Variants in PAN3 observed in about 807,000 individuals in gnomAD.
PAN3 encodes the protein PAN2-PAN3 deadenylation complex subunit PAN3.
In PAN3, 19 loss-of-function variants were observed where a neutral mutation model predicts 96.2. That is an observed-to-expected ratio of 0.20 (90% CI 0.14 to 0.29). The LOEUF is 0.29. PAN3 is among the 10% of genes least tolerant of loss of function. The probability of loss-of-function intolerance (pLI) is 1.00; values close to 1 mark genes in which losing one functional copy is unlikely to be tolerated. For synonymous variants in PAN3, 433 were observed against 406.6 expected, an observed-to-expected ratio of 1.06 and a Z score of -0.78; for missense variants, 882 against 1,108.1, an observed-to-expected ratio of 0.80 and a Z score of 2.90.
At chr13:28,261,307 CA>C in intron 8 of PAN3, 93 bp from the exon 9 acceptor site, 9 of 829,220 alleles carry the variant, frequency 1.1e-5, no homozygotes, top group Non-Finnish European at 1.6e-5. Flanking sequence ...GTGCATATGC[CA>C]AAAATATTAA....
Position 28,244,079 on chromosome 13 carries a change from T to C in PAN3, c.1001-12213T>C, listed in dbSNP as rs45479591. Among the ~76,000 whole-genome samples the C allele has an allele frequency of 2.7e-4, 41 of 152,324 alleles. 1 individual carries two copies. Among genetic ancestry groups the C allele is most frequent in the Admixed American group, 1.6e-3 (24 of 15,294 alleles). ...CATCTTTTTATGTTCGAGGCATTTTTCTTTTCTGCAAACTGGCTAGTTGTA... is the reference window on the plus strand; with the variant it reads ...CATCTTTTTATGTTCGAGGCATTTTCCTTTTCTGCAAACTGGCTAGTTGTA... On this transcript the variant is annotated intron_variant, in intron 6 of 18. Coordinates refer to ENST00000380958, the MANE Select transcript of PAN3 (RefSeq NM_175854.8).
chr13:28,274,402 C>A (rs1886888524), intron 14 of PAN3, among the ~76,000 whole-genome samples: 1 of 151,328 alleles, frequency 6.6e-6, no homozygotes, highest in Non-Finnish European at 1.5e-5. Context: ...TACATCCAAG[C>A]AGATAATATT....
At chr13:28,196,606 C>T (rs1366300261) in intron 4 of PAN3, among the ~76,000 whole-genome samples, 2 of 150,270 alleles carry the variant, frequency 1.3e-5, no homozygotes, top group Non-Finnish European at 3.0e-5. Context: ...AGGGTGAATG[C>T]CTATTTAAGA....
Position 28,187,223 on chromosome 13 carries a change from A to C in PAN3, c.690+9288A>C, listed in dbSNP as rs1321683322. On this transcript the variant is annotated intron_variant, in intron 4 of 18. Coordinates refer to ENST00000380958, the MANE Select transcript of PAN3 (RefSeq NM_175854.8). Reference sequence around the variant, plus strand: ...ACGCCTGTAGTCCCAGCTACTTGGGAGACTGAGGTGGGAGGATCACCTAAG... The same window carrying C: ...ACGCCTGTAGTCCCAGCTACTTGGGCGACTGAGGTGGGAGGATCACCTAAG... Among the ~76,000 whole-genome samples, 5 of 152,096 alleles carry C rather than the reference A, an allele frequency of 3.3e-5. No homozygotes were observed. In the East Asian group the frequency reaches 9.6e-4, roughly 29 times the overall value.
At chr13:28,243,082 A>G (rs542302472) in intron 6 of PAN3, among the ~76,000 whole-genome samples, 16 of 152,328 alleles carry the variant, frequency 1.1e-4, no homozygotes, top group Middle Eastern at 3.4e-3. Flanking sequence ...ATGGCAAACA[A>G]TGATAGCTTT....
intron 6 of PAN3, among the ~76,000 whole-genome samples, chr13:28,255,482 A>G (rs1885063367): frequency 6.6e-6 from 1 of 152,086 alleles, no homozygotes; most frequent in African/African-American, 2.4e-5. Flanking sequence ...AAGGGTAAAG[A>G]CAATTGTCCT....
intron 5 of PAN3, among the ~76,000 whole-genome samples, chr13:28,208,569 G>T (rs1026562689): frequency 3.9e-5 from 6 of 151,942 alleles, no homozygotes; most frequent in Admixed American, 2.6e-4. Flanking sequence ...TTTAGTGGTT[G>T]AGCATCTTAA....
At chr13:28,286,767 A>G (rs1256530743) in intron 17 of PAN3, among the ~76,000 whole-genome samples, 1 of 152,190 alleles carries the variant, frequency 6.6e-6, no homozygotes, top group African/African-American at 2.4e-5. Context: ...GCAGAGATAA[A>G]TGGGTGTTTA....
At chr13:28,156,558 C>G (rs111759326) in intron 1 of PAN3, among the ~76,000 whole-genome samples, 1,837 of 152,254 alleles carry the variant, frequency 0.012, 42 homozygotes, top group African/African-American at 0.041. Context: ...TTATCTCATT[C>G]AATGACCAGC....
At chr13:28,238,810 A>G (rs552045408) in intron 6 of PAN3, among the ~76,000 whole-genome samples, 77 of 152,014 alleles carry the variant, frequency 5.1e-4, no homozygotes, top group African/African-American at 1.9e-3. Context: ...CTTTTTTTTC[A>G]TAATAGTGTA....
intron 1 of PAN3, among the ~76,000 whole-genome samples, chr13:28,146,164 G>A (rs1394628387): frequency 6.6e-6 from 1 of 151,528 alleles, no homozygotes; most frequent in East Asian, 1.9e-4. Flanking sequence ...TTATTGTCCA[G>A]GGTTAATCAT....
intron 17 of PAN3, among the ~76,000 whole-genome samples, chr13:28,281,879 T>C (rs1353186233): frequency 6.6e-6 from 1 of 151,262 alleles, no homozygotes; most frequent in African/African-American, 2.4e-5. Flanking sequence ...CAAGCGATTC[T>C]CCTGCTTCAG....
intron 6 of PAN3, among the ~76,000 whole-genome samples, chr13:28,224,045 G>C (rs1190977442): frequency 6.7e-6 from 1 of 150,294 alleles, no homozygotes; most frequent in Non-Finnish European, 1.5e-5. Flanking sequence ...ATTTTTTTTT[G>C]TATTTTTAGT....
At chr13:28,261,952 TG>T (rs1885774728) in intron 9 of PAN3, among the ~76,000 whole-genome samples, 1 of 152,064 alleles carries the variant, frequency 6.6e-6, no homozygotes. Context: ...TTAGAATTCA[TG>T]GTGATTTACT....
At chr13:28,240,727 T>C (rs1883579226) in intron 6 of PAN3, among the ~76,000 whole-genome samples, 1 of 152,342 alleles carries the variant, frequency 6.6e-6, no homozygotes, top group African/African-American at 2.4e-5. Flanking sequence ...GAACATTTTT[T>C]GCCAGATTTG....
rs1226662569 is a variant in PAN3 at position 28,176,493 on chromosome 13, A to G, written c.553A>G (p.Arg185Gly). 3.1e-6 allele frequency: 5 copies of G among 1,613,252 alleles called. No individual in the cohort carries two copies. The highest frequency in any genetic ancestry group is 1.1e-5 in the South Asian group (1 of 91,058). Reference sequence around the variant, plus strand: ...TATAAATAAATATTTTGTTTTTCAGAGAATGACTAATAGTAGCAGCTCCCC... The same window carrying G: ...TATAAATAAATATTTTGTTTTTCAGGGAATGACTAATAGTAGCAGCTCCCC... ...PVETKYPLMQ[R>G]MTNSSSSPSL... Residue 185 changes from arginine (R) to glycine (G), a missense_variant and splice_region_variant, in exon 3 of 19, where the codon AGA (arginine) becomes GGA (glycine). Arg to Gly is a moderately radical substitution (Grantham distance 125). Transcript: ENST00000380958.
intron 1 of PAN3, among the ~76,000 whole-genome samples, chr13:28,166,873 G>A (rs1873616676): frequency 6.6e-6 from 1 of 152,116 alleles, no homozygotes. Context: ...AGGGAGCAGA[G>A]ATGTGAGGCA....
intron 7 of PAN3, among the ~76,000 whole-genome samples, chr13:28,257,750 A>AT (rs1566235168): frequency 3.0e-5 from 4 of 133,052 alleles, no homozygotes; most frequent in African/African-American, 1.1e-4. Context: ...TATATATAAT[A>AT]TATAATTAAT....
chr13:28,222,245 G>A (rs1338503135), intron 6 of PAN3, among the ~76,000 whole-genome samples: 1 of 152,028 alleles, frequency 6.6e-6, no homozygotes, highest in Non-Finnish European at 1.5e-5. Flanking sequence ...CTTATTTGGA[G>A]GTAGGTATAT....
Sources: allele counts gnomAD v4.1 joint callset (sites outside exome capture counted in the v4.1 genomes callset), GRCh38; gene constraint gnomAD v4.1.1; transcripts MANE v1.5; gene names NCBI Gene and HGNC (gene_info 2026-07-23, HGNC 2026-07-21).